SLFN5: variants seen among roughly 807,000 people sequenced by gnomAD.
The protein encoded by SLFN5 is schlafen family member 5.
SLFN5 carries 34 observed loss-of-function variants against 48.5 expected under a neutral mutation model. The ratio of observed to expected loss-of-function variants is 0.70; its 90% confidence interval spans 0.53 to 0.93. The LOEUF is 0.93. Ranked by LOEUF, SLFN5 falls within the 40% of genes least tolerant of loss-of-function variation. SLFN5 has a pLI of 0.00. For synonymous variants in SLFN5, 387 were observed against 396.2 expected (o/e 0.98, Z 0.28); for missense variants, 1,006 against 1,071.3 (o/e 0.94, Z 0.85).
At chr17:35,245,006 C>T (rs4796065) in intron 1 of SLFN5, among the ~76,000 whole-genome samples, 7 of 152,208 alleles carry the variant, frequency 4.6e-5, no homozygotes, top group Non-Finnish European at 1.0e-4. Flanking sequence ...AAAATTCACA[C>T]GTGTTTATAG....
In SLFN5 at chr17:35,259,383, G is replaced by T. The variant is rs1215593213; in HGVS notation, c.693G>T (p.Val231=). Residue 231 remains valine, a synonymous_variant, in exon 2 of 5, where the codon GTG becomes GTT. Transcript: ENST00000299977. ...AAGGAGGATATGTATTTTTTGGTGT[G>T]CATGATGAGACTTGTCAAGTGATTG... ...NTEGGYVFFG[V]HDETCQVIGC... is the part of the protein sequence containing the mutation. 6.2e-7 allele frequency: 1 copy of T among 1,614,164 alleles called. No individual in the cohort carries two copies. The highest frequency in any genetic ancestry group is 1.3e-5 in the African/African-American group (1 of 75,026).
chr17:35,248,787 A>G (rs558406466), intron 1 of SLFN5, among the ~76,000 whole-genome samples: 1 of 152,320 alleles, frequency 6.6e-6, no homozygotes, highest in African/African-American at 2.4e-5. Context: ...AATTCACAAA[A>G]GAATTTAGAA....
chr17:35,265,102 G>T lies in SLFN5; in HGVS notation c.1890G>T (p.Val630=). Residue 630 remains valine, a synonymous_variant, in exon 5 of 5, where the codon GTG becomes GTT. Transcript: ENST00000299977. ...SFSKKNICQP[V]TRKTFMKNNF... is the part of the protein sequence containing the mutation. ...GCAAGAAAAACATCTGCCAGCCAGT[G>T]ACCCGGAAAACCTTCATGAAAAACA... 1.2e-6 allele frequency: 2 copies of T among 1,612,194 alleles called. No homozygotes were observed. The highest frequency in any genetic ancestry group is 2.2e-5 in the South Asian group (2 of 90,486).
At position 35,258,825 on chromosome 17, in the gene SLFN5, A is replaced by G; in HGVS notation, c.135A>G (p.Arg45=). ...LREKQNEIIL[R]AVCALLNSGG... ...AGAAACAGAATGAAATCATCCTGCG[A>G]GCAGTATGTGCTCTGCTGAATTCTG... Residue 45 remains arginine (R), a synonymous_variant, in exon 2 of 5, where the codon CGA becomes CGG. Coordinates refer to ENST00000299977, the MANE Select transcript of SLFN5 (RefSeq NM_144975.4). 6.2e-7 allele frequency: 1 copy of G among 1,614,222 alleles called. No homozygotes were observed. Among genetic ancestry groups the G allele is most frequent in the Non-Finnish European group, 8.5e-7 (1 of 1,180,040 alleles).
intron 2 of SLFN5, among the ~76,000 whole-genome samples, chr17:35,260,144 A>G (rs774601438): frequency 5.9e-5 from 9 of 151,940 alleles, no homozygotes; most frequent in Non-Finnish European, 1.2e-4. Flanking sequence ...ACCCTTTCTC[A>G]CTGCCCACTT....
At position 35,273,648 on chromosome 17, in the gene SLFN5, C is replaced by T. The variant is rs1480574158; in HGVS notation, c.*7760C>T. On this transcript the variant is annotated 3_prime_UTR_variant, in exon 5 of 5. Coordinates refer to ENST00000299977, the MANE Select transcript of SLFN5 (RefSeq NM_144975.4). ...TTTAAATAAAAGAAATGCAATATTG[C>T]AATTAAATTTGTGTTCTTCTTTCTT... 6.6e-6 allele frequency: 1 copy of T among 151,720 alleles called. No individual in the cohort carries two copies. Among genetic ancestry groups the T allele is most frequent in the East Asian group, 1.9e-4 (1 of 5,182 alleles). 9.4% of individuals were successfully genotyped at this position (151,720 alleles called of 1,614,324 possible). A position where few individuals can be genotyped will look rare whatever the true frequency, so the allele number is the denominator to read the frequency against.
rs35160124 is a variant in SLFN5, at chr17:35,266,177, T to TGTGTGTGTGTGCGTGC, written c.*290_*291insTGTGTGTGTGCGTGCG. 1.5e-4 allele frequency: 26 copies of TGTGTGTGTGTGCGTGC among 173,338 alleles called. No individual in the cohort carries two copies. The highest frequency in any genetic ancestry group is 3.5e-5 in the Non-Finnish European group (3 of 85,184). The allele number at this position is 173,338 out of a possible 1,614,324, so 10.7% of individuals were successfully genotyped here. ...GTGTGTGTGTGTGTGTGTGTGTGTG[T>TGTGTGTGTGTGCGTGC]GCGCGCGCGCACGTGCACATGTGTG... On this transcript the variant is annotated 3_prime_UTR_variant, in exon 5 of 5. Transcript: ENST00000299977.
Position 35,266,287 on chromosome 17 carries a change from G to C in SLFN5, c.*399G>C, listed in dbSNP as rs915166033. On this transcript the variant is annotated 3_prime_UTR_variant, in exon 5 of 5. Transcript: ENST00000299977. ...ACTTGTCATGAGAATCTCTGAGCGT[G>C]CCAGGCAGACTCGGATATTTTTATA... 6.3e-6 allele frequency: 1 copy of C among 157,994 alleles called. No homozygotes were observed. Among genetic ancestry groups the C allele is most frequent in the African/African-American group, 2.4e-5 (1 of 41,616 alleles). 9.8% of individuals were successfully genotyped at this position (157,994 alleles called of 1,614,324 possible). A position where few individuals can be genotyped will look rare whatever the true frequency, so the allele number is the denominator to read the frequency against.
intron 1 of SLFN5, among the ~76,000 whole-genome samples, chr17:35,247,983 G>T (rs936812006): frequency 1.3e-5 from 2 of 152,172 alleles, no homozygotes; most frequent in Non-Finnish European, 2.9e-5. Flanking sequence ...AGATTGTCTG[G>T]TCTGTGTTAG....
At chr17:35,250,736 G>C (rs2069139690) in intron 1 of SLFN5, among the ~76,000 whole-genome samples, 1 of 151,386 alleles carries the variant, frequency 6.6e-6, no homozygotes, top group Admixed American at 6.6e-5. Context: ...ATATAAAAAT[G>C]ATCTCCTACT....
At position 35,266,811 on chromosome 17, in the gene SLFN5, T is replaced by C. The variant is rs11651464; in HGVS notation, c.*923T>C. ...TCTTTCTTCTGCTGAGTCTTCAGGATGTTAGCTAGTCTTTCAAAAGCCATT... is the reference window on the plus strand; with the variant it reads ...TCTTTCTTCTGCTGAGTCTTCAGGACGTTAGCTAGTCTTTCAAAAGCCATT... On this transcript the variant is annotated 3_prime_UTR_variant, in exon 5 of 5. Coordinates refer to ENST00000299977, the MANE Select transcript of SLFN5 (RefSeq NM_144975.4). 1.7e-4 allele frequency: 26 copies of C among 152,270 alleles called. No individual in the cohort carries two copies. The highest frequency in any genetic ancestry group is 2.9e-4 in the Non-Finnish European group (20 of 68,048). The allele number at this position is 152,270 out of a possible 1,614,324, so 9.4% of individuals were successfully genotyped here.
In SLFN5 at chr17:35,269,986, G is replaced by A. The variant is rs1236045012; in HGVS notation, c.*4098G>A. The stretch of plus-strand genomic sequence containing the variant: ...ATTTTAATATTAGATAAATCTTCCT[G>A]TAACTGAAAGTTCTTGAGTTAAAGA... On this transcript the variant is annotated 3_prime_UTR_variant, in exon 5 of 5. Transcript: ENST00000299977. 1 of 152,138 alleles carries A rather than the reference G, an allele frequency of 6.6e-6. No individual in the cohort carries two copies. 9.4% of individuals were successfully genotyped at this position (152,138 alleles called of 1,614,324 possible). A position where few individuals can be genotyped will look rare whatever the true frequency, so the allele number is the denominator to read the frequency against.
intron 2 of SLFN5, among the ~76,000 whole-genome samples, chr17:35,260,731 A>G (rs1430586749): frequency 6.6e-6 from 1 of 152,188 alleles, no homozygotes; most frequent in Admixed American, 6.5e-5. Flanking sequence ...TAAATAAATA[A>G]TAGAAATAAA....
Position 35,258,704 on chromosome 17 carries a change from T to C in SLFN5, c.14T>C (p.Ile5Thr), listed in dbSNP as rs1472825382. Residue 5 changes from isoleucine (I) to threonine (T), a missense_variant, in exon 2 of 5, where the codon ATT (isoleucine) becomes ACT (threonine). Physicochemically the swap from Ile to Thr is moderately conservative, Grantham distance 89. Transcript: ENST00000299977. ...AGTGCTGAGAAGATGAGTCTTAGGA[T>C]TGATGTGGATACAAACTTTCCTGAG... is the stretch of plus-strand genomic sequence containing the variant. MSLR[I>T]DVDTNFPECV... is the part of the protein sequence containing the mutation. 3 of 1,613,358 alleles carry C rather than the reference T, an allele frequency of 1.9e-6. No individual in the cohort carries two copies. Among genetic ancestry groups the C allele is most frequent in the Admixed American group, 3.3e-5 (2 of 59,958 alleles).
At chr17:35,256,880 A>C (rs1307405056) in intron 1 of SLFN5, among the ~76,000 whole-genome samples, 1 of 152,136 alleles carries the variant, frequency 6.6e-6, no homozygotes, top group Non-Finnish European at 1.5e-5. Flanking sequence ...GCCTGTTAGG[A>C]ACCAGGCTGA....
chr17:35,265,648 G>A lies in SLFN5; in HGVS notation c.2436G>A (p.Arg812=). 1 of 1,614,250 alleles carries A rather than the reference G, an allele frequency of 6.2e-7. No homozygotes were observed. Among genetic ancestry groups the A allele is most frequent in the Non-Finnish European group, 8.5e-7 (1 of 1,180,034 alleles). The change falls in exon 5 of 5, where the codon AGG becomes AGA. Residue 812 remains arginine, a synonymous_variant. Transcript: ENST00000299977. The part of the protein sequence containing the change: ...KYKDRLLTAM[R]KRKLSQLHEE... ...AAGACAGGCTTCTAACAGCAATGAG[G>A]AAGAGAAAACTGTCTCAGCTCCATG...
chr17:35,264,822 A>T lies in SLFN5; in HGVS notation c.1778A>T (p.Glu593Val), dbSNP rs1420803737. 6 of 1,596,476 alleles carry T rather than the reference A, an allele frequency of 3.8e-6. No individual in the cohort carries two copies. The African/African-American group carries it at 8.1e-5, about 22-fold the overall frequency. The stretch of plus-strand genomic sequence containing the variant: ...ACTATCTTGGCTCTTAGGATCATGG[A>T]GAAGATCAGGAATGTGTTTCACTGT... The part of the protein sequence containing the change: ...GKTILALRIM[E>V]KIRNVFHCEP... Residue 593 changes from glutamate (E) to valine (V), a missense_variant, in exon 4 of 5, where the codon GAG (glutamate) becomes GTG (valine). Transcript: ENST00000299977.
chr17:35,247,223 C>T (rs2092432829), intron 1 of SLFN5, among the ~76,000 whole-genome samples: 1 of 152,222 alleles, frequency 6.6e-6, no homozygotes, highest in African/African-American at 2.4e-5. Context: ...AGCCTGCTTC[C>T]AACTTCCCTA....
chr17:35,264,811 T>G lies in SLFN5; in HGVS notation c.1767T>G (p.Leu589=), dbSNP rs897238509. ...GATCAGGGAAGACTATCTTGGCTCTTAGGATCATGGAGAAGATCAGGAATG... is the reference window on the plus strand; with the variant it reads ...GATCAGGGAAGACTATCTTGGCTCTGAGGATCATGGAGAAGATCAGGAATG... ...LPGSGKTILA[L]RIMEKIRNVF... is the part of the protein sequence containing the mutation. Residue 589 remains leucine (L), a synonymous_variant, in exon 4 of 5, where the codon CTT becomes CTG. Coordinates refer to ENST00000299977, the MANE Select transcript of SLFN5 (RefSeq NM_144975.4). 2 of 1,597,894 alleles carry G rather than the reference T, an allele frequency of 1.3e-6. No individual in the cohort carries two copies. The highest frequency in any genetic ancestry group is 1.3e-5 in the African/African-American group (1 of 74,266).
Sources: allele counts gnomAD v4.1 joint callset (sites outside exome capture counted in the v4.1 genomes callset), GRCh38; gene constraint gnomAD v4.1.1; transcripts MANE v1.5; gene names NCBI Gene and HGNC (gene_info 2026-07-23, HGNC 2026-07-21).